The following CPQ variants were observed in gnomAD, a reference collection of about 807,000 sequenced individuals.
CPQ encodes carboxypeptidase Q, also known as Ser-Met dipeptidase.
CPQ carries 37 observed loss-of-function variants against 45.7 expected under a neutral mutation model. That is an observed-to-expected ratio of 0.81 (90% CI 0.62 to 1.07). The LOEUF (loss-of-function observed/expected upper bound fraction) is 1.07, where lower values mean the gene tolerates loss of function less well. Ranked by LOEUF, CPQ falls within the 50% of genes least tolerant of loss-of-function variation. The pLI, the probability that CPQ is intolerant of heterozygous loss-of-function variation, is 0.00. For missense variants in CPQ, 537 were observed against 572.9 expected (o/e 0.94, Z 0.64); for synonymous variants, 186 against 205.8 (o/e 0.90, Z 0.82).
chr8:96,914,094 T>A (rs1217334044), intron 4 of CPQ, among the ~76,000 whole-genome samples: 1 of 152,208 alleles, frequency 6.6e-6, no homozygotes, highest in Non-Finnish European at 1.5e-5. Context: ...GGAGATACTG[T>A]CATTTTAAAA....
intron 7 of CPQ, among the ~76,000 whole-genome samples, chr8:97,099,115 C>CTCTCT (rs1554589610): frequency 1.5e-5 from 1 of 66,316 alleles, no homozygotes; most frequent in African/African-American, 6.2e-5. Context: ...CCTTCTCTCT[C>CTCTCT]TTTTTTTTTT....
At chr8:97,054,149 A>G (rs1001575199) in intron 6 of CPQ, among the ~76,000 whole-genome samples, 6 of 152,180 alleles carry the variant, frequency 3.9e-5, no homozygotes, top group African/African-American at 1.4e-4. Context: ...AGATATACAA[A>G]TGGCCAACAA....
At chr8:96,845,906 G>A (rs903537767) in intron 3 of CPQ, among the ~76,000 whole-genome samples, 6 of 152,038 alleles carry the variant, frequency 3.9e-5, no homozygotes, top group East Asian at 1.9e-4. Context: ...TGCAACCTCC[G>A]CCTCCTGGAT....
At chr8:96,976,719 T>G (rs1813796186) in intron 5 of CPQ, among the ~76,000 whole-genome samples, 1 of 152,058 alleles carries the variant, frequency 6.6e-6, no homozygotes, top group Admixed American at 6.6e-5. Flanking sequence ...AACTGATCTT[T>G]GACAAAGCAA....
At chr8:96,836,236 C>T (rs1220233746) in intron 3 of CPQ, among the ~76,000 whole-genome samples, 1 of 152,034 alleles carries the variant, frequency 6.6e-6, no homozygotes, top group Non-Finnish European at 1.5e-5. Context: ...AGCTGCTTGA[C>T]CTTAATTAGC....
chr8:96,828,188 G>T (rs1811402594), intron 2 of CPQ, among the ~76,000 whole-genome samples: 1 of 151,982 alleles, frequency 6.6e-6, no homozygotes, highest in African/African-American at 2.4e-5. Flanking sequence ...CCAGAATGTG[G>T]CAGTAGTCCT....
At chr8:97,049,424 A>C (rs1363184042) in intron 6 of CPQ, among the ~76,000 whole-genome samples, 4 of 152,248 alleles carry the variant, frequency 2.6e-5, no homozygotes, top group Non-Finnish European at 5.9e-5. Context: ...CAAAGCAATC[A>C]GATTATGAAT....
intron 1 of CPQ, among the ~76,000 whole-genome samples, chr8:96,686,501 AATAG>A (rs1809229659): frequency 6.6e-6 from 1 of 151,960 alleles, no homozygotes; most frequent in South Asian, 2.1e-4. Flanking sequence ...AAATTATATT[AATAG>A]ATTTATTGTT....
At chr8:97,060,542 G>C (rs1016249054) in intron 6 of CPQ, among the ~76,000 whole-genome samples, 8 of 152,162 alleles carry the variant, frequency 5.3e-5, no homozygotes, top group African/African-American at 1.9e-4. Flanking sequence ...TCTTTATTTA[G>C]AGAACAAAAT....
intron 7 of CPQ, among the ~76,000 whole-genome samples, chr8:97,108,011 A>G (rs1250184196): frequency 6.6e-6 from 1 of 152,168 alleles, no homozygotes; most frequent in African/African-American, 2.4e-5. Context: ...CAGGTGAGGA[A>G]GTGGATGTGG....
At chr8:97,129,713 T>C (rs1010139587) in intron 7 of CPQ, among the ~76,000 whole-genome samples, 1 of 152,166 alleles carries the variant, frequency 6.6e-6, no homozygotes, top group Non-Finnish European at 1.5e-5. Flanking sequence ...GGCTTTTTTC[T>C]TGTTAAGCTT....
intron 7 of CPQ, among the ~76,000 whole-genome samples, chr8:97,101,603 A>AG (rs1387727466): frequency 6.8e-5 from 9 of 132,882 alleles, no homozygotes; most frequent in African/African-American, 2.6e-4. Flanking sequence ...CCTTTTGACC[A>AG]GGAAAAGGAA....
intron 6 of CPQ, among the ~76,000 whole-genome samples, chr8:97,063,418 C>T (rs1357397227): frequency 1.3e-5 from 2 of 152,166 alleles, no homozygotes; most frequent in African/African-American, 4.8e-5. Context: ...TTCTCCTGTT[C>T]TGCAGGTTGT....
chr8:96,908,876 C>T (rs974377590), intron 4 of CPQ, among the ~76,000 whole-genome samples: 5 of 152,112 alleles, frequency 3.3e-5, no homozygotes, highest in Admixed American at 2.6e-4. Context: ...GCCACATTCC[C>T]ATAGGATTCT....
At chr8:96,837,695 C>A (rs893658580) in intron 3 of CPQ, among the ~76,000 whole-genome samples, 4 of 152,172 alleles carry the variant, frequency 2.6e-5, no homozygotes, top group Non-Finnish European at 4.4e-5. Context: ...CATACCACTG[C>A]CGCCAGCTCT....
At chr8:97,008,291 T>A (rs1809422802) in intron 5 of CPQ, among the ~76,000 whole-genome samples, 1 of 152,184 alleles carries the variant, frequency 6.6e-6, no homozygotes, top group Non-Finnish European at 1.5e-5. Flanking sequence ...CAAGGAGAGC[T>A]GGGAAGCTGG....
At chr8:97,045,412 AG>A (rs1030929065) in intron 6 of CPQ, among the ~76,000 whole-genome samples, 16 of 152,174 alleles carry the variant, frequency 1.1e-4, no homozygotes, top group Admixed American at 6.5e-4. Flanking sequence ...TGACTAGGAA[AG>A]GGAACTCCCT....
chr8:96,697,213 C>A (rs1006207592), intron 1 of CPQ, among the ~76,000 whole-genome samples: 4 of 152,088 alleles, frequency 2.6e-5, no homozygotes, highest in Admixed American at 6.6e-5. Flanking sequence ...CAAGTATCCT[C>A]AACATATGCA....
chr8:97,097,735 TG>T (rs1190603040), intron 7 of CPQ, among the ~76,000 whole-genome samples: 1 of 152,186 alleles, frequency 6.6e-6, no homozygotes, highest in Non-Finnish European at 1.5e-5. Context: ...TCTACTGACC[TG>T]GCTGTGCCCT....
Sources: gnomAD v4.1 joint callset for allele counts (sites outside exome capture counted in the v4.1 genomes callset) on GRCh38, gnomAD v4.1.1 for gene constraint, MANE v1.5 for transcripts, NCBI Gene and HGNC (gene_info 2026-07-23, HGNC 2026-07-21) for gene names.